The following MAD1L1 variants were observed in gnomAD, a reference collection of about 807,000 sequenced individuals.
MAD1L1 encodes mitotic arrest deficient 1 like 1, also known as mitotic spindle assembly checkpoint protein MAD1.
A neutral mutation model predicts 96.9 loss-of-function variants in MAD1L1; 95 were observed. The observed-to-expected ratio is 0.98, with a 90% CI of 0.83 to 1.16. MAD1L1 has a LOEUF of 1.16. Ranked by LOEUF, MAD1L1 falls within the 50% of genes most tolerant of loss-of-function variation. The pLI, the probability that MAD1L1 is intolerant of heterozygous loss-of-function variation, is 0.00. For missense variants in MAD1L1, 1,007 were observed against 954.4 expected (o/e 1.06, Z -0.73); for synonymous variants, 473 against 396.6 (o/e 1.19, Z -2.29).
rs576802916 is a variant in MAD1L1, at chr7:2,094,604, C to T, written c.1074-25266G>A. On this transcript the variant is annotated intron_variant, in intron 11 of 18. Transcript: ENST00000265854. ...GTCAGGAAGGCTGCTGCTATCCAGA[C>T]AGGGTGCTCCAGAAAGAGGACTGGC... Among the ~76,000 whole-genome samples, 377 of 152,112 alleles carry T rather than the reference C, an allele frequency of 2.5e-3. 1 individual carries two copies. Among genetic ancestry groups the T allele is most frequent in the Non-Finnish European group, 3.8e-3 (259 of 68,024 alleles).
chr7:1,955,120 G>C (rs146905019), intron 16 of MAD1L1, among the ~76,000 whole-genome samples: 99 of 152,366 alleles, frequency 6.5e-4, no homozygotes, highest in African/African-American at 2.2e-3. Context: ...TCGCCAACCA[G>C]CTGTGAACTA....
At chr7:2,161,333 C>T (rs899696145) in intron 10 of MAD1L1, among the ~76,000 whole-genome samples, 6 of 151,986 alleles carry the variant, frequency 3.9e-5, no homozygotes, top group African/African-American at 1.5e-4. Flanking sequence ...GTCTCAGCTC[C>T]TGACCGCGAG....
At chr7:2,232,474 C>T (rs1213367828) in intron 1 of MAD1L1, among the ~76,000 whole-genome samples, 1 of 152,232 alleles carries the variant, frequency 6.6e-6, no homozygotes, top group Non-Finnish European at 1.5e-5. Flanking sequence ...CTCCACCAGG[C>T]GCCAGCTCAG....
chr7:2,104,216 CCA>C (rs1014039754), intron 11 of MAD1L1, among the ~76,000 whole-genome samples: 2 of 152,218 alleles, frequency 1.3e-5, no homozygotes, highest in African/African-American at 4.8e-5. Flanking sequence ...GCAAACTCCT[CCA>C]CAGAGGCAAG....
At chr7:2,190,036 G>T (rs995752422) in intron 10 of MAD1L1, among the ~76,000 whole-genome samples, 2 of 152,086 alleles carry the variant, frequency 1.3e-5, no homozygotes, top group Non-Finnish European at 2.9e-5. Flanking sequence ...AAAGTAAATG[G>T]GGGGAAAGAA....
At chr7:1,846,697 A>G (rs10234557) in intron 18 of MAD1L1, 102,996 of 159,112 alleles carry the variant, frequency 0.65, 33,865 homozygotes, top group South Asian at 0.78. Context: ...TGTTGTTCCC[A>G]GAGCGAGGGG....
At chr7:1,860,868 T>C (rs1455636216) in intron 18 of MAD1L1, among the ~76,000 whole-genome samples, 1 of 152,180 alleles carries the variant, frequency 6.6e-6, no homozygotes, top group Non-Finnish European at 1.5e-5. Flanking sequence ...GGGTCACCCC[T>C]GTGCCTTCTG....
intron 11 of MAD1L1, among the ~76,000 whole-genome samples, chr7:2,092,812 T>C (rs919674441): frequency 2.6e-5 from 4 of 152,230 alleles, no homozygotes; most frequent in Non-Finnish European, 1.5e-5. Context: ...TATCAAATTT[T>C]TTCTCTTATG....
chr7:2,094,711 C>G (rs1198700697), intron 11 of MAD1L1, among the ~76,000 whole-genome samples: 1 of 152,114 alleles, frequency 6.6e-6, no homozygotes, highest in Non-Finnish European at 1.5e-5. Context: ...GGTGCAAAGG[C>G]CCCGGGGCAG....
At position 2,002,254 on chromosome 7, in the gene MAD1L1, G is replaced by A. The variant is rs536888956; in HGVS notation, c.1360-133C>T. 1.6e-3 allele frequency: 1,344 copies of A among 824,002 alleles called. 13 individuals carry two copies. The African/African-American group carries it at 0.018, about 11-fold the overall frequency. The allele number at this position is 824,002 out of a possible 1,614,324, so 51.0% of individuals were successfully genotyped here. On this transcript the variant is annotated intron_variant, in intron 13 of 18. Transcript: ENST00000265854. Reference sequence around the variant, plus strand: ...AGCAACGGGACCCAGGAGCTGGGAAGTGGGCAGCCAGAGGGTGGGCAGGGG... The same window carrying A: ...AGCAACGGGACCCAGGAGCTGGGAAATGGGCAGCCAGAGGGTGGGCAGGGG...
intron 10 of MAD1L1, among the ~76,000 whole-genome samples, chr7:2,173,360 G>T (rs1790799648): frequency 6.6e-6 from 1 of 152,096 alleles, no homozygotes; most frequent in Non-Finnish European, 1.5e-5. Context: ...GCGTCTGGCT[G>T]AGCCCCGCGT....
intron 15 of MAD1L1, among the ~76,000 whole-genome samples, chr7:1,979,170 C>T (rs113794170): frequency 0.034 from 5,213 of 152,284 alleles, 192 homozygotes; most frequent in Admixed American, 0.097. Context: ...AGGCTGCTGC[C>T]GCGGGGGGTC....
rs536925267 is a variant in MAD1L1 at position 1,907,196 on chromosome 7, G to A, written c.1808-8806C>T. On this transcript the variant is annotated intron_variant, in intron 17 of 18. Coordinates refer to ENST00000265854, the MANE Select transcript of MAD1L1 (RefSeq NM_001013836.2). ...TCCCCACTATCTCCCCACTGCCACC[G>A]CCTTGCCCCTGTCCCACGGTCCCCC... Among the ~76,000 whole-genome samples, 110 of 152,188 alleles carry A rather than the reference G, an allele frequency of 7.2e-4. 1 individual carries two copies. Among genetic ancestry groups the A allele is most frequent in the Non-Finnish European group, 8.2e-4 (56 of 67,986 alleles).
At chr7:1,922,330 G>A (rs888070173) in intron 17 of MAD1L1, among the ~76,000 whole-genome samples, 3 of 152,370 alleles carry the variant, frequency 2.0e-5, no homozygotes, top group South Asian at 4.1e-4. Flanking sequence ...TGCCGTTGTC[G>A]GCGTGCTGTG....
intron 17 of MAD1L1, among the ~76,000 whole-genome samples, chr7:1,930,655 G>A (rs1459766333): frequency 2.0e-5 from 3 of 149,786 alleles, no homozygotes; most frequent in African/African-American, 7.4e-5. Context: ...TTGTTCCTTG[G>A]GGGCCCTGAT....
chr7:1,821,789 G>A (rs1210726620), intron 18 of MAD1L1, among the ~76,000 whole-genome samples: 1 of 152,192 alleles, frequency 6.6e-6, no homozygotes, highest in African/African-American at 2.4e-5. Flanking sequence ...CTCCGACTTG[G>A]TAAAAAGCAC....
At chr7:2,042,621 G>T (rs757472739) in intron 12 of MAD1L1, among the ~76,000 whole-genome samples, 3 of 152,162 alleles carry the variant, frequency 2.0e-5, no homozygotes, top group African/African-American at 7.2e-5. Flanking sequence ...GATCCCTCAC[G>T]AATGGCCCAG....
At chr7:2,017,427 G>A (rs1031393596) in intron 12 of MAD1L1, among the ~76,000 whole-genome samples, 1 of 152,228 alleles carries the variant, frequency 6.6e-6, no homozygotes, top group Non-Finnish European at 1.5e-5. Context: ...GAGAAGGTGA[G>A]CAGTCGGCAT....
intron 11 of MAD1L1, among the ~76,000 whole-genome samples, chr7:2,072,114 C>G (rs1785160371): frequency 6.6e-6 from 1 of 152,232 alleles, no homozygotes; most frequent in Non-Finnish European, 1.5e-5. Context: ...CAGAAGCACA[C>G]CTGCGGCTCG....
Sources: allele counts gnomAD v4.1 joint callset (sites outside exome capture counted in the v4.1 genomes callset), GRCh38; gene constraint gnomAD v4.1.1; transcripts MANE v1.5; gene names NCBI Gene and HGNC (gene_info 2026-07-23, HGNC 2026-07-21).